CACNA1E: variants seen among roughly 807,000 people sequenced by gnomAD.
The protein encoded by CACNA1E is calcium voltage-gated channel subunit alpha1 E, also known as voltage-dependent R-type calcium channel subunit alpha-1E.
A neutral mutation model predicts 259.2 loss-of-function variants in CACNA1E; 40 were observed. That is an observed-to-expected ratio of 0.15 (90% CI 0.12 to 0.20). The LOEUF (loss-of-function observed/expected upper bound fraction) is 0.20, where lower values mean the gene tolerates loss of function less well. Among genes scored for constraint, CACNA1E ranks in the 10% least tolerant of loss-of-function variants. The pLI is 1.00. For synonymous variants in CACNA1E, 1,104 were observed against 1,138.5 expected, an observed-to-expected ratio of 0.97 and a Z score of 0.61; for missense variants, 1,874 against 3,040.1, an observed-to-expected ratio of 0.62 and a Z score of 9.02.
chr1:181,336,549 T>C (rs528348517), intron 1 of CACNA1E, among the ~76,000 whole-genome samples: 1 of 152,386 alleles, frequency 6.6e-6, no homozygotes, highest in South Asian at 2.1e-4. Context: ...TCTCTGTATT[T>C]ATTTTATTGT....
At chr1:181,505,319 A>G (rs892000266) in intron 1 of CACNA1E, among the ~76,000 whole-genome samples, 1 of 152,160 alleles carries the variant, frequency 6.6e-6, no homozygotes, top group Non-Finnish European at 1.5e-5. Flanking sequence ...GAGAAGACTC[A>G]TCATCCTTCC....
At chr1:181,636,728 T>G (rs1199162345) in intron 6 of CACNA1E, among the ~76,000 whole-genome samples, 1 of 152,200 alleles carries the variant, frequency 6.6e-6, no homozygotes, top group Non-Finnish European at 1.5e-5. Flanking sequence ...GGAGGGGGAT[T>G]GTCAGGACTG....
rs148842447 is a variant in CACNA1E, at chr1:181,778,236, A to G, written c.5267+2008A>G. 2.5e-3 allele frequency among the ~76,000 whole-genome samples: 379 copies of G among 152,284 alleles called. 4 individuals carry two copies. The highest frequency in any genetic ancestry group is 8.5e-3 in the African/African-American group (355 of 41,558). Reference sequence around the variant, plus strand: ...CAGTGTCTTCAAAAGGGGGGCTGAAACCAGTTGCAAAAAATGTCAGTCTAT... The same window carrying G: ...CAGTGTCTTCAAAAGGGGGGCTGAAGCCAGTTGCAAAAAATGTCAGTCTAT... On this transcript the variant is annotated intron_variant, in intron 38 of 47. Transcript: ENST00000367573.
chr1:181,382,107 G>A lies in CACNA1E; in HGVS notation c.-14-31026G>A, dbSNP rs1008571604. Among the ~76,000 whole-genome samples the A allele has an allele frequency of 5.3e-5, 8 of 152,298 alleles. 1 individual carries two copies. The South Asian group carries it at 1.7e-3, about 32-fold the overall frequency. Reference sequence around the variant, plus strand: ...AATAGCGAAGGGGCTATTTGGAATAGGGCAATTAGAGGTCATCCAAAATGG... The same window carrying A: ...AATAGCGAAGGGGCTATTTGGAATAAGGCAATTAGAGGTCATCCAAAATGG... On this transcript the variant is annotated intron_variant, in intron 1 of 11. Transcript: ENST00000524607.
chr1:181,718,647 C>T (rs952934555), intron 12 of CACNA1E, among the ~76,000 whole-genome samples: 2 of 151,424 alleles, frequency 1.3e-5, no homozygotes, highest in Non-Finnish European at 3.0e-5. Flanking sequence ...CACACACACA[C>T]ACACACACAC....
chr1:181,459,805 C>A (rs764879527), intron 2 of CACNA1E, among the ~76,000 whole-genome samples: 3 of 152,204 alleles, frequency 2.0e-5, no homozygotes, highest in African/African-American at 4.8e-5. Context: ...TCACGAGATG[C>A]ACAGGACTCT....
chr1:181,441,430 G>A (rs771907972), intron 2 of CACNA1E, among the ~76,000 whole-genome samples: 2 of 152,176 alleles, frequency 1.3e-5, no homozygotes, highest in Non-Finnish European at 2.9e-5. Context: ...GATTACAGGC[G>A]TGAGCCACCG....
intron 1 of CACNA1E, among the ~76,000 whole-genome samples, chr1:181,381,473 G>A (rs560458095): frequency 1.3e-5 from 2 of 152,310 alleles, no homozygotes; most frequent in South Asian, 2.1e-4. Context: ...GTGACAGAAA[G>A]CATATCAATG....
At chr1:181,604,046 G>A (rs1653995169) in intron 6 of CACNA1E, among the ~76,000 whole-genome samples, 1 of 152,166 alleles carries the variant, frequency 6.6e-6, no homozygotes, top group Non-Finnish European at 1.5e-5. Context: ...TTCTCATCCT[G>A]GAAACGCTGG....
intron 6 of CACNA1E, among the ~76,000 whole-genome samples, chr1:181,628,684 C>G (rs1193841933): frequency 6.6e-6 from 1 of 152,162 alleles, no homozygotes; most frequent in Non-Finnish European, 1.5e-5. Flanking sequence ...AAAGACAGCC[C>G]TGCAACCCCG....
intron 7 of CACNA1E, among the ~76,000 whole-genome samples, chr1:181,666,815 A>G (rs571521870): frequency 8.5e-4 from 130 of 152,184 alleles, no homozygotes; most frequent in African/African-American, 3.1e-3. Flanking sequence ...AATCATTGAA[A>G]ACAAATCATT....
intron 2 of CACNA1E, among the ~76,000 whole-genome samples, chr1:181,442,693 A>G (rs1224468093): frequency 6.6e-6 from 1 of 152,132 alleles, no homozygotes; most frequent in African/African-American, 2.4e-5. Context: ...GGACATGACC[A>G]TGTCCTGGTT....
chr1:181,548,332 G>T (rs924935098), intron 3 of CACNA1E, among the ~76,000 whole-genome samples: 2 of 152,000 alleles, frequency 1.3e-5, no homozygotes, highest in Non-Finnish European at 1.5e-5. Flanking sequence ...CACCAGGTTG[G>T]CTAGGCTAGT....
At chr1:181,767,460 G>A (rs900151367) in intron 35 of CACNA1E, among the ~76,000 whole-genome samples, 4 of 152,292 alleles carry the variant, frequency 2.6e-5, no homozygotes, top group African/African-American at 9.6e-5. Context: ...ATAGAACTTC[G>A]GCTATGTGAC....
intron 16 of CACNA1E, among the ~76,000 whole-genome samples, chr1:181,723,643 G>T (rs951802552): frequency 2.0e-5 from 3 of 152,152 alleles, no homozygotes; most frequent in African/African-American, 7.2e-5. Flanking sequence ...CATGCCTCAG[G>T]TTACTTTACC....
At chr1:181,595,656 G>A (rs974941892) in intron 6 of CACNA1E, among the ~76,000 whole-genome samples, 2 of 152,144 alleles carry the variant, frequency 1.3e-5, no homozygotes, top group Admixed American at 6.5e-5. Flanking sequence ...AGCTGGGGAG[G>A]AATAGCAGAG....
intron 25 of CACNA1E, among the ~76,000 whole-genome samples, chr1:181,740,183 C>T (rs1471859680): frequency 6.6e-6 from 1 of 152,196 alleles, no homozygotes; most frequent in Non-Finnish European, 1.5e-5. Flanking sequence ...GTGGAAGCCT[C>T]ATCTTTAGGC....
chr1:181,360,636 A>C (rs1653796278), intron 1 of CACNA1E, among the ~76,000 whole-genome samples: 2 of 152,150 alleles, frequency 1.3e-5, no homozygotes, highest in South Asian at 4.1e-4. Flanking sequence ...AGGGTGAGGA[A>C]TGGAAATGTT....
At position 181,801,826 on chromosome 1, in the gene CACNA1E, C is replaced by G. The variant is rs746427801; in HGVS notation, c.*2992C>G. 2.0e-5 allele frequency: 3 copies of G among 152,186 alleles called. No homozygotes were observed. Among genetic ancestry groups the G allele is most frequent in the Non-Finnish European group, 4.4e-5 (3 of 68,030 alleles). 9.4% of individuals were successfully genotyped at this position (152,186 alleles called of 1,614,324 possible). A position where few individuals can be genotyped will look rare whatever the true frequency, so the allele number is the denominator to read the frequency against. On this transcript the variant is annotated 3_prime_UTR_variant, in exon 48 of 48. Transcript: ENST00000367573. The stretch of plus-strand genomic sequence containing the variant: ...GGTCCACCTCAGAAGACTCTTGAGT[C>G]ATATATTCAGTTTCTCTTGCTAATA...
Sources: allele counts gnomAD v4.1 joint callset (sites outside exome capture counted in the v4.1 genomes callset), GRCh38; gene constraint gnomAD v4.1.1; transcripts MANE v1.5; gene names NCBI Gene and HGNC (gene_info 2026-07-23, HGNC 2026-07-21).